Variants in PCDHA9 observed in about 807,000 individuals in gnomAD.
PCDHA9 encodes protocadherin alpha 9.
PCDHA9 carries 62 observed loss-of-function variants against 62.0 expected under a neutral mutation model. The observed-to-expected ratio is 1.00, with a 90% CI of 0.81 to 1.23. PCDHA9 has a LOEUF of 1.23. Among genes scored for constraint, PCDHA9 ranks in the 50% most tolerant of loss-of-function variants. PCDHA9 has a pLI of 0.00. For synonymous variants in PCDHA9, 557 were observed against 567.6 expected (o/e 0.98, Z 0.27); for missense variants, 1,205 against 1,249.8 (o/e 0.96, Z 0.54).
chr5:140,927,235 C>T (rs1478545930), intron 1 of PCDHA9: 7 of 1,614,034 alleles, frequency 4.3e-6, no homozygotes, highest in Non-Finnish European at 5.9e-6. Flanking sequence ...GATTCACGTC[C>T]TGGACACCAA....
Position 140,993,509 on chromosome 5 carries a change from CGGGGAGAGAG to C in PCDHA9, c.2542+10947_2542+10956del, listed in dbSNP as rs2097568307. Among the ~76,000 whole-genome samples, 3 of 143,488 alleles carry C rather than the reference CGGGGAGAGAG, an allele frequency of 2.1e-5. No homozygotes were observed. In the Admixed American group the frequency reaches 2.1e-4, roughly 10 times the overall value. 94.1% of individuals were successfully genotyped at this position (143,488 alleles called of 152,430 possible). A position where few individuals can be genotyped will look rare whatever the true frequency, so the allele number is the denominator to read the frequency against. On this transcript the variant is annotated intron_variant, in intron 3 of 3. Coordinates refer to ENST00000532602, the MANE Select transcript of PCDHA9 (RefSeq NM_031857.2). Reference sequence around the variant, plus strand: ...ACACACACACACACACACACACACACGGGGAGAGAGAGACAGAGAGAGAGAGAGATAGAGA... The same window carrying C: ...ACACACACACACACACACACACACACAGACAGAGAGAGAGAGAGATAGAGA...
intron 3 of PCDHA9, among the ~76,000 whole-genome samples, chr5:140,990,262 C>T (rs2097383201): frequency 6.6e-6 from 1 of 152,152 alleles, no homozygotes; most frequent in South Asian, 2.1e-4. Context: ...GGATACCAAA[C>T]AATGTACCCC....
intron 2 of PCDHA9, 72 bp downstream of exon 2, chr5:140,979,079 T>C (rs1019875909): frequency 9.5e-6 from 15 of 1,584,162 alleles, no homozygotes; most frequent in African/African-American, 6.8e-5. Flanking sequence ...TGCATCTCCA[T>C]AGGCCAGAAG....
At position 140,850,471 on chromosome 5, in the gene PCDHA9, T is replaced by C. The variant is rs2150485589; in HGVS notation, c.1976T>C (p.Leu659Pro). 6.3e-7 allele frequency: 1 copy of C among 1,597,870 alleles called. No individual in the cohort carries two copies. Among genetic ancestry groups the C allele is most frequent in the Non-Finnish European group, 8.6e-7 (1 of 1,167,672 alleles). The change falls in exon 1 of 4, where the codon CTG (leucine) becomes CCG (proline). Residue 659 changes from leucine to proline, a missense_variant. This residue lies in a region of PCDHA9 where 887 missense variants were observed against 809.5 expected (regional missense o/e 1.10). Coordinates refer to ENST00000532602, the MANE Select transcript of PCDHA9 (RefSeq NM_031857.2). ...GTGAAAGACCACGGGGAGCCAGCGC[T>C]GACGGCCACGGCCACTGTGCTGGTG... Reference protein sequence around the residue: ...VLVKDHGEPALTATATVLVSL... With the variant: ...VLVKDHGEPAPTATATVLVSL...
chr5:140,858,839 C>G (rs1306924023), intron 1 of PCDHA9: 1 of 317,040 alleles, frequency 3.2e-6, no homozygotes, highest in Non-Finnish European at 5.9e-6. Context: ...CCAAAAAATT[C>G]CACTGATCTA....
rs116001450 is a variant in PCDHA9 at position 140,876,617 on chromosome 5, A to G, written c.2394+25728A>G. 182 of 1,614,178 alleles carry G rather than the reference A, an allele frequency of 1.1e-4. No individual in the cohort carries two copies. The African/African-American group carries it at 2.3e-3, about 20-fold the overall frequency. ...GTGTCGGATCGTGACTCTGGAGCCAATGGACAGGTCATCTGCTCACTGACA... is the reference window on the plus strand; with the variant it reads ...GTGTCGGATCGTGACTCTGGAGCCAGTGGACAGGTCATCTGCTCACTGACA... On this transcript the variant is annotated intron_variant, in intron 1 of 3. Transcript: ENST00000532602.
chr5:140,999,011 A>G (rs2097843002), intron 3 of PCDHA9, among the ~76,000 whole-genome samples: 1 of 152,246 alleles, frequency 6.6e-6, no homozygotes, highest in Non-Finnish European at 1.5e-5. Flanking sequence ...CTGAGATTTG[A>G]ACCCAAGACT....
At chr5:140,969,112 A>G (rs781784282) in intron 1 of PCDHA9, 4 of 1,614,022 alleles carry the variant, frequency 2.5e-6, no homozygotes, top group Admixed American at 3.3e-5. Context: ...TTGAAGTTCG[A>G]GGGAATGGCT....
Position 140,849,181 on chromosome 5 carries a change from T to C in PCDHA9, c.686T>C (p.Leu229Pro). 2 of 1,077,314 alleles carry C rather than the reference T, an allele frequency of 1.9e-6. No homozygotes were observed. The highest frequency in any genetic ancestry group is 1.9e-5 in the African/African-American group (1 of 51,302). The allele number at this position is 1,077,314 out of a possible 1,614,324, so 66.7% of individuals were successfully genotyped here. A position where few individuals can be genotyped will look rare whatever the true frequency, so the allele number is the denominator to read the frequency against. ...KPELTGTVQL[L>P]ITVLDNNDNA... ...GAGCTGACTGGCACCGTTCAATTAC[T>C]CATCACGGTACTGGACAACAATGAC... Residue 229 changes from leucine to proline, a missense_variant, in exon 1 of 4, where the codon CTC (leucine) becomes CCC (proline). Physicochemically the swap from Leu to Pro is moderately conservative, Grantham distance 98. This residue lies in a region of PCDHA9 where 110 missense variants were observed against 227.2 expected (regional missense o/e 0.48). Transcript: ENST00000532602.
intron 1 of PCDHA9, among the ~76,000 whole-genome samples, chr5:140,890,175 A>G (rs1488442027): frequency 6.6e-6 from 1 of 152,158 alleles, no homozygotes; most frequent in Non-Finnish European, 1.5e-5. Context: ...GAAATAGGCA[A>G]ATGCTACAAA....
At chr5:140,875,516 T>G in intron 1 of PCDHA9, 1 of 1,613,976 alleles carries the variant, frequency 6.2e-7, no homozygotes, top group Non-Finnish European at 8.5e-7. Context: ...CAGCGTCTGC[T>G]GCTCTCGCTT....
chr5:140,853,498 C>T (rs983966911), intron 1 of PCDHA9: 1 of 976,590 alleles, frequency 1.0e-6, no homozygotes, highest in African/African-American at 1.8e-5. Flanking sequence ...AAGTTAGAAT[C>T]ATGAAACAAT....
chr5:140,918,496 A>G lies in PCDHA9; in HGVS notation c.2395-60453A>G, dbSNP rs79827125. Among the ~76,000 whole-genome samples the G allele has an allele frequency of 8.0e-3, 1,215 of 152,276 alleles. 6 individuals are homozygous for G. Among genetic ancestry groups the G allele is most frequent in the African/African-American group, 0.019 (784 of 41,558 alleles). On this transcript the variant is annotated intron_variant, in intron 1 of 3. Transcript: ENST00000532602. ...TCTCAAGGGGAATGCTTTGGATGGT[A>G]CCAATCCTTTTAAACTTATTGAGGA...
At chr5:140,940,159 C>CT (rs1401623923) in intron 1 of PCDHA9, among the ~76,000 whole-genome samples, 1 of 151,978 alleles carries the variant, frequency 6.6e-6, no homozygotes, top group East Asian at 1.9e-4. Context: ...TTTTGTTTGC[C>CT]TGAAATGTCA....
chr5:140,869,434 G>A, intron 1 of PCDHA9: 1 of 1,614,218 alleles, frequency 6.2e-7, no homozygotes, highest in Non-Finnish European at 8.5e-7. Flanking sequence ...GGTGATCGTG[G>A]ACAGGCCGCT....
chr5:140,912,395 T>C (rs782718158), intron 1 of PCDHA9, among the ~76,000 whole-genome samples: 10 of 152,138 alleles, frequency 6.6e-5, no homozygotes, highest in Non-Finnish European at 1.5e-4. Flanking sequence ...CTTAATTTGA[T>C]TCTCAGCTTG....
At chr5:140,928,032 TAGTGC>T (rs782031018) in intron 1 of PCDHA9, 7 of 1,614,216 alleles carry the variant, frequency 4.3e-6, no homozygotes, top group Non-Finnish European at 5.9e-6. Context: ...GTGGCATGTC[TAGTGC>T]AGGCCCTTTT....
In PCDHA9 at chr5:140,987,225, A is replaced by T. The variant is rs182444933; in HGVS notation, c.2542+4662A>T. On this transcript the variant is annotated intron_variant, in intron 3 of 3. Transcript: ENST00000532602. Reference sequence around the variant, plus strand: ...TGAGACTCCATCTCAAAAAAAAAAAAAATAATAAATAAAGAAAGAAAGACA... The same window carrying T: ...TGAGACTCCATCTCAAAAAAAAAAATAATAATAAATAAAGAAAGAAAGACA... 6.5e-3 allele frequency among the ~76,000 whole-genome samples: 935 copies of T among 143,134 alleles called. 9 individuals carry two copies. Among genetic ancestry groups the T allele is most frequent in the African/African-American group, 0.025 (815 of 32,962 alleles). The allele number at this position is 143,134 out of a possible 152,430, so 93.9% of individuals were successfully genotyped here. A position where few individuals can be genotyped will look rare whatever the true frequency, so the allele number is the denominator to read the frequency against.
rs782195215 is a variant in PCDHA9 at position 140,856,375 on chromosome 5, G to A, written c.2394+5486G>A. The stretch of plus-strand genomic sequence containing the variant: ...GCAGCATCCACCTGGAGGTGATCGT[G>A]GACAGGCCGCTGCAGGTTTTCCATG... On this transcript the variant is annotated intron_variant, in intron 1 of 3. Transcript: ENST00000532602. The A allele has an allele frequency of 1.9e-5, 30 of 1,598,518 alleles. 2 individuals are homozygous for A. The highest frequency in any genetic ancestry group is 2.5e-5 in the Non-Finnish European group (29 of 1,167,968).
Sources: allele counts gnomAD v4.1 joint callset (sites outside exome capture counted in the v4.1 genomes callset), GRCh38; gene constraint gnomAD v4.1.1; regional missense constraint gnomAD v4.1.1; transcripts MANE v1.5; gene names NCBI Gene and HGNC (gene_info 2026-07-23, HGNC 2026-07-21).